TUSC3: variants seen among roughly 807,000 people sequenced by gnomAD.
The protein encoded by TUSC3 is tumor suppressor candidate 3.
In TUSC3, 45 loss-of-function variants were observed where a neutral mutation model predicts 44.8. That is an observed-to-expected ratio of 1.00 (90% confidence interval 0.79 to 1.29). The LOEUF (loss-of-function observed/expected upper bound fraction) is 1.29. Ranked by LOEUF, TUSC3 falls within the 50% of genes most tolerant of loss-of-function variation. TUSC3 has a pLI of 0.00. For missense variants in TUSC3, 519 were observed against 437.9 expected (o/e 1.19, Z -1.65); for synonymous variants, 212 against 152.9 (o/e 1.39, Z -2.85).
intron 7 of TUSC3, among the ~76,000 whole-genome samples, chr8:15,741,537 TG>T (rs1411882843): frequency 6.6e-6 from 1 of 152,050 alleles, no homozygotes; most frequent in Non-Finnish European, 1.5e-5. Context: ...ATACTAAAGT[TG>T]TCCGGGCATG....
At chr8:15,464,081 G>A (rs1800383651) in intron 1 of TUSC3, among the ~76,000 whole-genome samples, 2 of 152,142 alleles carry the variant, frequency 1.3e-5, no homozygotes, top group African/African-American at 4.8e-5. Context: ...ACTTAATCAA[G>A]CCATAGTGAG....
intron 1 of TUSC3, among the ~76,000 whole-genome samples, chr8:15,587,982 T>G (rs1200235969): frequency 1.3e-5 from 2 of 152,144 alleles, no homozygotes; most frequent in South Asian, 2.1e-4. Flanking sequence ...ACATTTAGAT[T>G]GGTATCTTGG....
At chr8:15,509,011 G>C (rs916473353) in intron 2 of TUSC3, among the ~76,000 whole-genome samples, 9 of 152,142 alleles carry the variant, frequency 5.9e-5, no homozygotes, top group Non-Finnish European at 1.3e-4. Flanking sequence ...TTCAAGATAA[G>C]ATCTTCAGCT....
the TUSC3 span, among the ~76,000 whole-genome samples, chr8:15,812,988 G>A: frequency 6.6e-6 from 1 of 152,034 alleles, no homozygotes; most frequent in African/African-American, 2.4e-5. Flanking sequence ...CAGCTACTCA[G>A]GAGGCTGAGG....
the TUSC3 span, among the ~76,000 whole-genome samples, chr8:15,798,861 A>G: frequency 2.0e-5 from 3 of 152,092 alleles, no homozygotes; most frequent in African/African-American, 7.2e-5. Flanking sequence ...CCTTATTTCC[A>G]TATAAAGACT....
At chr8:15,758,094 T>C in intron 10 of TUSC3, 1 of 1,286,162 alleles carries the variant, frequency 7.8e-7, no homozygotes, top group East Asian at 3.1e-5. Flanking sequence ...ATTTGACAGA[T>C]GCAATGCTTC....
chr8:15,664,333 C>G (rs554479428), intron 5 of TUSC3, among the ~76,000 whole-genome samples: 2 of 151,306 alleles, frequency 1.3e-5, no homozygotes, highest in African/African-American at 4.8e-5. Flanking sequence ...TACAGTGAGC[C>G]CTTATGACTA....
rs368147166 is a variant in TUSC3, at chr8:15,486,952, C to T, written n.189+3469C>T. Among the ~76,000 whole-genome samples the T allele has an allele frequency of 5.7e-4, 87 of 152,192 alleles. 1 individual carries two copies. In the South Asian group the frequency reaches 0.016, roughly 29 times the overall value. On this transcript the variant is annotated intron_variant and non_coding_transcript_variant, in intron 2 of 5. Transcript: ENST00000503191. ...AAATCTTGCATCTTTTTAATATAAC[C>T]GTTAGTTGATTCAGCCAGTCATCTA...
intron 1 of TUSC3, among the ~76,000 whole-genome samples, chr8:15,432,653 G>C (rs1227100273): frequency 6.6e-6 from 1 of 152,106 alleles, no homozygotes; most frequent in East Asian, 1.9e-4. Context: ...CAGGGAGAGG[G>C]ACTGCTCTGT....
chr8:15,564,385 G>A (rs1802589659), intron 1 of TUSC3, among the ~76,000 whole-genome samples: 1 of 152,178 alleles, frequency 6.6e-6, no homozygotes. Context: ...TGTCAACAGA[G>A]TAGTATTATA....
chr8:15,688,889 A>C (rs1430185106), intron 6 of TUSC3: 3 of 167,200 alleles, frequency 1.8e-5, no homozygotes, highest in African/African-American at 7.2e-5. Context: ...CTGCAGATGT[A>C]GTGTTTCCAG....
intron 1 of TUSC3, among the ~76,000 whole-genome samples, chr8:15,584,333 T>G (rs1004252317): frequency 1.3e-5 from 2 of 152,288 alleles, no homozygotes; most frequent in Middle Eastern, 3.4e-3. Context: ...CTTTTTTGTA[T>G]TATAAAAGCG....
At chr8:15,555,217 T>G (rs921937577) in intron 1 of TUSC3, among the ~76,000 whole-genome samples, 11 of 137,968 alleles carry the variant, frequency 8.0e-5, no homozygotes, top group African/African-American at 2.7e-4. Flanking sequence ...GGTGTGATCT[T>G]GGCTTACTGC....
At chr8:15,825,703 C>T in the TUSC3 span, among the ~76,000 whole-genome samples, 6 of 152,036 alleles carry the variant, frequency 3.9e-5, no homozygotes, top group African/African-American at 7.2e-5. Flanking sequence ...TGAAGTGTTA[C>T]GTATAATGTG....
the TUSC3 span, among the ~76,000 whole-genome samples, chr8:15,841,721 C>T: frequency 2.0e-5 from 3 of 152,142 alleles, no homozygotes; most frequent in African/African-American, 4.8e-5. Flanking sequence ...GCCATGTTGG[C>T]AAGGCTGGTC....
At chr8:15,476,270 T>C (rs1208229984) in intron 1 of TUSC3, among the ~76,000 whole-genome samples, 1 of 152,210 alleles carries the variant, frequency 6.6e-6, no homozygotes, top group Admixed American at 6.5e-5. Flanking sequence ...TCATCATAAA[T>C]ACATTTAATC....
At chr8:15,719,240 T>A (rs1184180044) in intron 6 of TUSC3, among the ~76,000 whole-genome samples, 1 of 152,092 alleles carries the variant, frequency 6.6e-6, no homozygotes, top group Non-Finnish European at 1.5e-5. Flanking sequence ...TCCTTGAACA[T>A]GTTTCTATCT....
the TUSC3 span, among the ~76,000 whole-genome samples, chr8:15,805,562 C>A: frequency 6.6e-6 from 1 of 152,016 alleles, no homozygotes; most frequent in Admixed American, 6.6e-5. Context: ...TTATTAAGAG[C>A]CTTTTCTATG....
rs150189954 is a variant in TUSC3, at chr8:15,596,935, C to T, written c.139-26145C>T. On this transcript the variant is annotated intron_variant, in intron 1 of 10. Coordinates refer to ENST00000503731, the MANE Select transcript of TUSC3 (RefSeq NM_006765.4). The stretch of plus-strand genomic sequence containing the variant: ...GCAGGCTGTGATAGATACTGTGTAG[C>T]AGGTGACAAGGTTAATAGTCCAATT... 2.6e-3 allele frequency among the ~76,000 whole-genome samples: 393 copies of T among 152,182 alleles called. 1 individual carries two copies. Among genetic ancestry groups the T allele is most frequent in the African/African-American group, 8.3e-3 (345 of 41,516 alleles).
Sources: allele counts gnomAD v4.1 joint callset (sites outside exome capture counted in the v4.1 genomes callset), GRCh38; gene constraint gnomAD v4.1.1; transcripts MANE v1.5; gene names NCBI Gene and HGNC (gene_info 2026-07-23, HGNC 2026-07-21).